Variants in CNBD1 observed in about 807,000 individuals in gnomAD.
CNBD1 encodes the protein cyclic nucleotide binding domain containing 1, also known as cyclic nucleotide-binding domain-containing protein 1.
A neutral mutation model predicts 54.4 loss-of-function variants in CNBD1; 71 were observed. The observed-to-expected ratio is 1.30, with a 90% CI of 1.08 to 1.59. CNBD1 has a LOEUF of 1.59. Ranked by LOEUF, CNBD1 falls within the 40% of genes most tolerant of loss-of-function variation. The pLI, the probability that CNBD1 is intolerant of heterozygous loss-of-function variation, is 0.00. For synonymous variants in CNBD1, 182 were observed against 170.7 expected (o/e 1.07, Z -0.51); for missense variants, 659 against 518.0 (o/e 1.27, Z -2.64).
intron 4 of CNBD1, among the ~76,000 whole-genome samples, chr8:87,145,952 A>G (rs999021944): frequency 3.3e-5 from 5 of 152,210 alleles, no homozygotes; most frequent in African/African-American, 1.2e-4. Context: ...TCATTATTAT[A>G]GAAAAATATT....
At chr8:87,108,812 A>T (rs956213761) in intron 4 of CNBD1, among the ~76,000 whole-genome samples, 1 of 152,028 alleles carries the variant, frequency 6.6e-6, no homozygotes, top group East Asian at 1.9e-4. Flanking sequence ...ATGCTTTATA[A>T]CTCACCTCGG....
intron 8 of CNBD1, among the ~76,000 whole-genome samples, chr8:87,303,407 A>G (rs1485611455): frequency 6.6e-6 from 1 of 151,952 alleles, no homozygotes; most frequent in African/African-American, 2.4e-5. Flanking sequence ...TATTTAATAA[A>G]TGGTGCTGGG....
Position 87,353,625 on chromosome 8 carries a change from T to A in CNBD1, c.1153-11T>A, listed in dbSNP as rs770016656. 2 of 1,534,052 alleles carry A rather than the reference T, an allele frequency of 1.3e-6. No homozygotes were observed. The highest frequency in any genetic ancestry group is 1.8e-6 in the Non-Finnish European group (2 of 1,126,140). The stretch of plus-strand genomic sequence containing the variant: ...GTTGCATTAAACATCAATAATATAT[T>A]TTTTTAACAGAAAAGATCTCAAAAA... On this transcript the variant is annotated splice_polypyrimidine_tract_variant and intron_variant, in intron 9 of 10. Transcript: ENST00000518476.
chr8:87,002,627 T>A (rs1809016825), intron 4 of CNBD1, among the ~76,000 whole-genome samples: 1 of 152,040 alleles, frequency 6.6e-6, no homozygotes, highest in Non-Finnish European at 1.5e-5. Context: ...AAGTTCTCAT[T>A]CAAGGTTTTA....
At chr8:87,194,539 C>T (rs1331109640) in intron 4 of CNBD1, among the ~76,000 whole-genome samples, 3 of 152,150 alleles carry the variant, frequency 2.0e-5, no homozygotes, top group Non-Finnish European at 4.4e-5. Flanking sequence ...TAAAATTCTG[C>T]ATTATATGCC....
chr8:87,329,737 A>T (rs1430170542), intron 8 of CNBD1, among the ~76,000 whole-genome samples: 1 of 151,980 alleles, frequency 6.6e-6, no homozygotes, highest in Non-Finnish European at 1.5e-5. Flanking sequence ...TGACTTGTGT[A>T]TATTAACCTT....
rs530639145 is a variant in CNBD1, at chr8:87,329,433, G to A, written c.1043-22252G>A. Among the ~76,000 whole-genome samples the A allele has an allele frequency of 1.3e-4, 20 of 152,148 alleles. No homozygotes were observed. The South Asian group carries it at 4.1e-3, about 32-fold the overall frequency. ...GTTTTGAATTAGTTTGTCAATGTCT[G>A]CAAGGTAGCTTATGGGAATTTTAAT... On this transcript the variant is annotated intron_variant, in intron 8 of 10. Coordinates refer to ENST00000518476, the MANE Select transcript of CNBD1 (RefSeq NM_173538.3).
At chr8:87,096,662 C>G (rs1462249455) in intron 4 of CNBD1, among the ~76,000 whole-genome samples, 1 of 152,134 alleles carries the variant, frequency 6.6e-6, no homozygotes, top group East Asian at 1.9e-4. Flanking sequence ...ATAAGGAAAG[C>G]AAAATGCGTG....
chr8:87,410,274 T>C (rs772212980), intron 2 of CNBD1, among the ~76,000 whole-genome samples: 1 of 152,178 alleles, frequency 6.6e-6, no homozygotes, highest in Non-Finnish European at 1.5e-5. Flanking sequence ...ATTTCGATTT[T>C]CAAGTCATAT....
intron 10 of CNBD1, among the ~76,000 whole-genome samples, chr8:87,379,460 A>G (rs1811027873): frequency 6.6e-6 from 1 of 151,930 alleles, no homozygotes; most frequent in Non-Finnish European, 1.5e-5. Flanking sequence ...ACCTATTCCA[A>G]AATTGACCAC....
chr8:87,336,013 T>G (rs947481898), intron 8 of CNBD1, among the ~76,000 whole-genome samples: 1 of 152,202 alleles, frequency 6.6e-6, no homozygotes, highest in Non-Finnish European at 1.5e-5. Context: ...TTAAGAATGT[T>G]GAATATTGGC....
chr8:87,376,355 G>A (rs565769973), intron 10 of CNBD1, among the ~76,000 whole-genome samples: 14 of 151,868 alleles, frequency 9.2e-5, no homozygotes, highest in African/African-American at 3.1e-4. Flanking sequence ...CTCTGACAAG[G>A]GTACTAATTC....
At chr8:87,194,126 A>C (rs564381174) in intron 4 of CNBD1, among the ~76,000 whole-genome samples, 1 of 152,346 alleles carries the variant, frequency 6.6e-6, no homozygotes, top group South Asian at 2.1e-4. Flanking sequence ...CCTTATGAGA[A>C]TCTAATGATT....
chr8:86,957,734 G>C (rs1265340978), intron 4 of CNBD1, among the ~76,000 whole-genome samples: 1 of 151,862 alleles, frequency 6.6e-6, no homozygotes, highest in African/African-American at 2.4e-5. Flanking sequence ...TTCTTTATTA[G>C]TTTTTCTAGC....
At chr8:87,176,562 C>T (rs1304011796) in intron 4 of CNBD1, among the ~76,000 whole-genome samples, 1 of 150,568 alleles carries the variant, frequency 6.6e-6, no homozygotes, top group Non-Finnish European at 1.5e-5. Flanking sequence ...CGGCTCACTG[C>T]AACCCTCTGC....
intron 5 of CNBD1, among the ~76,000 whole-genome samples, chr8:87,230,068 C>T (rs1448356486): frequency 2.0e-5 from 3 of 152,114 alleles, no homozygotes; most frequent in Non-Finnish European, 4.4e-5. Context: ...ACAATCATGG[C>T]AGAAGGCAAA....
chr8:86,989,482 G>A (rs1043110156), intron 4 of CNBD1, among the ~76,000 whole-genome samples: 9 of 151,896 alleles, frequency 5.9e-5, no homozygotes, highest in South Asian at 2.1e-4. Context: ...ATGGAGTCTC[G>A]CTCTGTTGCC....
At chr8:86,879,057 GT>G (rs975734028) in intron 1 of CNBD1, among the ~76,000 whole-genome samples, 2 of 152,056 alleles carry the variant, frequency 1.3e-5, no homozygotes, top group African/African-American at 4.8e-5. Flanking sequence ...GAAGCAGGGT[GT>G]TTTTAGATTT....
rs1316672711 is a variant in CNBD1 at position 87,123,356 on chromosome 8, A to G, written c.432-82637A>G. 2.0e-5 allele frequency among the ~76,000 whole-genome samples: 3 copies of G among 151,924 alleles called. No homozygotes were observed. The East Asian group carries it at 5.8e-4, about 29-fold the overall frequency. The stretch of plus-strand genomic sequence containing the variant: ...GGTATGAAACTAGAAATCAGTAACA[A>G]GAAAAATCTTGGAAAAATACACAAA... On this transcript the variant is annotated intron_variant, in intron 4 of 10. Transcript: ENST00000518476.
Sources: gnomAD v4.1 joint callset for allele counts (sites outside exome capture counted in the v4.1 genomes callset) on GRCh38, gnomAD v4.1.1 for gene constraint, MANE v1.5 for transcripts, NCBI Gene and HGNC (gene_info 2026-07-23, HGNC 2026-07-21) for gene names.